SRGAP2B: variants seen among roughly 807,000 people sequenced by gnomAD.
SRGAP2B encodes the protein SLIT-ROBO Rho GTPase-activating protein 2B.
A neutral mutation model predicts 22.2 loss-of-function variants in SRGAP2B; 9 were observed. The ratio of observed to expected loss-of-function variants is 0.41; its 90% CI spans 0.24 to 0.71. The LOEUF (loss-of-function observed/expected upper bound fraction) is 0.71, where lower values mean the gene tolerates loss of function less well. SRGAP2B is among the 30% of genes least tolerant of loss of function. SRGAP2B has a pLI of 0.35. For synonymous variants in SRGAP2B, 36 were observed against 87.4 expected (o/e 0.41, Z 3.28); for missense variants, 114 against 235.8 (o/e 0.48, Z 3.38).
intron 2 of SRGAP2B, among the ~76,000 whole-genome samples, chr1:144,998,586 G>A (rs1670873185): frequency 6.7e-6 from 1 of 150,086 alleles, no homozygotes; most frequent in Admixed American, 6.6e-5. Flanking sequence ...GGAAAAGGAA[G>A]GAAGAACAGG....
At chr1:144,931,393 T>G (rs587711810) in intron 4 of SRGAP2B, among the ~76,000 whole-genome samples, 1 of 150,520 alleles carries the variant, frequency 6.6e-6, no homozygotes, top group African/African-American at 2.5e-5. Flanking sequence ...GCCTTGCATA[T>G]AGTAAGCACC....
chr1:144,991,295 G>A (rs1408046599), intron 3 of SRGAP2B, among the ~76,000 whole-genome samples: 2 of 147,510 alleles, frequency 1.4e-5, no homozygotes, highest in African/African-American at 5.2e-5. Context: ...ACACCAATCG[G>A]CACTCCATAT....
intron 2 of SRGAP2B, among the ~76,000 whole-genome samples, chr1:145,008,138 T>C (rs1166245535): frequency 1.1e-5 from 1 of 93,812 alleles, no homozygotes; most frequent in African/African-American, 4.7e-5. Flanking sequence ...ATCTATCCCA[T>C]AGGTTCTTTG....
chr1:144,940,727 C>T (rs1479257266), intron 4 of SRGAP2B, among the ~76,000 whole-genome samples: 2 of 144,800 alleles, frequency 1.4e-5, no homozygotes, highest in East Asian at 2.1e-4. Context: ...CACTTGAACC[C>T]GGGAGGCGGA....
chr1:144,988,943 A>G (rs1296479520), intron 3 of SRGAP2B, among the ~76,000 whole-genome samples: 1 of 123,038 alleles, frequency 8.1e-6, no homozygotes, highest in Non-Finnish European at 1.6e-5. Flanking sequence ...ATCCAGTCCT[A>G]TTTAGTTTCT....
At chr1:144,991,263 G>A (rs1358892788) in intron 3 of SRGAP2B, among the ~76,000 whole-genome samples, 3 of 149,000 alleles carry the variant, frequency 2.0e-5, no homozygotes, top group Admixed American at 6.7e-5. Flanking sequence ...GAACCTTTAT[G>A]TCTAGCTCAA....
At chr1:145,040,446 A>G (rs1649089503) in intron 2 of SRGAP2B, among the ~76,000 whole-genome samples, 1 of 149,900 alleles carries the variant, frequency 6.7e-6, no homozygotes, top group Non-Finnish European at 1.5e-5. Flanking sequence ...AAATTAGATC[A>G]TTTAATTCAG....
chr1:145,023,184 T>A (rs1275487016), intron 2 of SRGAP2B, among the ~76,000 whole-genome samples: 12 of 139,258 alleles, frequency 8.6e-5, no homozygotes, highest in Admixed American at 8.5e-4. Context: ...AAAAAAAATT[T>A]AAATTTAAAA....
chr1:145,014,921 T>A (rs587599664), intron 2 of SRGAP2B, among the ~76,000 whole-genome samples: 27 of 32,338 alleles, frequency 8.3e-4, no homozygotes, highest in African/African-American at 3.4e-3. Context: ...TATTAAATTT[T>A]AAAGTGTATA....
chr1:145,008,972 C>T (rs1393390377), intron 2 of SRGAP2B, among the ~76,000 whole-genome samples: 1 of 148,872 alleles, frequency 6.7e-6, no homozygotes, highest in South Asian at 2.1e-4. Context: ...GAGATCGAGA[C>T]CATCCTGGCT....
intron 2 of SRGAP2B, among the ~76,000 whole-genome samples, chr1:145,015,457 C>A (rs1367669544): frequency 9.2e-6 from 1 of 108,940 alleles, no homozygotes; most frequent in Admixed American, 9.9e-5. Flanking sequence ...GTAATTTAAA[C>A]CAGCTTCTTG....
chr1:144,907,806 C>T (rs1184428884), intron 5 of SRGAP2B, among the ~76,000 whole-genome samples: 2 of 150,284 alleles, frequency 1.3e-5, no homozygotes, highest in African/African-American at 2.5e-5. Context: ...CTAGCCCCTA[C>T]GATCAGCTAG....
At chr1:144,966,558 C>T (rs1570879166) in intron 3 of SRGAP2B, among the ~76,000 whole-genome samples, 1 of 146,678 alleles carries the variant, frequency 6.8e-6, no homozygotes, top group Admixed American at 6.6e-5. Flanking sequence ...TAAACACCAT[C>T]GATGCTAGGA....
At chr1:144,993,618 A>G (rs1167168166) in intron 3 of SRGAP2B, among the ~76,000 whole-genome samples, 1 of 149,392 alleles carries the variant, frequency 6.7e-6, no homozygotes, top group African/African-American at 2.5e-5. Flanking sequence ...AGGCTGAGGC[A>G]GGAGGATCAC....
intron 2 of SRGAP2B, among the ~76,000 whole-genome samples, chr1:145,036,195 GCT>G (rs1648696866): frequency 1.6e-5 from 2 of 121,480 alleles, no homozygotes; most frequent in Admixed American, 8.3e-5. Context: ...TGCCAGACAA[GCT>G]TTTTTTTTTT....
intron 5 of SRGAP2B, among the ~76,000 whole-genome samples, chr1:144,909,632 C>T (rs1663266346): frequency 6.7e-6 from 1 of 150,046 alleles, no homozygotes; most frequent in Admixed American, 6.6e-5. Flanking sequence ...CCCCAAGATC[C>T]CCTCTCCCAT....
At chr1:144,963,163 T>C (rs1438278544) in intron 3 of SRGAP2B, among the ~76,000 whole-genome samples, 4 of 150,748 alleles carry the variant, frequency 2.7e-5, no homozygotes, top group Non-Finnish European at 5.9e-5. Context: ...CCCAGAACTA[T>C]AGGGAGGAAT....
intron 2 of SRGAP2B, among the ~76,000 whole-genome samples, chr1:145,021,890 T>A (rs1196091186): frequency 1.5e-5 from 2 of 137,766 alleles, no homozygotes; most frequent in Non-Finnish European, 3.1e-5. Context: ...GGATATCCAA[T>A]CCTGGAACTT....
intron 8 of SRGAP2B, among the ~76,000 whole-genome samples, chr1:144,893,981 T>G (rs1422581964): frequency 7.0e-6 from 1 of 142,304 alleles, no homozygotes; most frequent in Non-Finnish European, 1.5e-5. Context: ...AGGCCATGCA[T>G]GAGAGCTTTG....
Sources: gnomAD v4.1 joint callset for allele counts (sites outside exome capture counted in the v4.1 genomes callset) on GRCh38, gnomAD v4.1.1 for gene constraint, MANE v1.5 for transcripts, NCBI Gene and HGNC (gene_info 2026-07-23, HGNC 2026-07-21) for gene names.